LIPN: variants seen among roughly 807,000 people sequenced by gnomAD.
LIPN encodes the protein lipase family member N.
A neutral mutation model predicts 43.7 loss-of-function variants in LIPN; 32 were observed. The ratio of observed to expected loss-of-function variants is 0.73; its 90% CI spans 0.55 to 0.98. LIPN has a LOEUF of 0.98. Ranked by LOEUF, LIPN falls within the 50% of genes least tolerant of loss-of-function variation. LIPN has a pLI of 0.00. For synonymous variants in LIPN, 156 were observed against 157.6 expected (o/e 0.99, Z 0.08); for missense variants, 505 against 483.8 (o/e 1.04, Z -0.41).
At chr10:88,765,900 A>G (rs1843087739) in intron 4 of LIPN, among the ~76,000 whole-genome samples, 1 of 151,904 alleles carries the variant, frequency 6.6e-6, no homozygotes, top group African/African-American at 2.4e-5. Flanking sequence ...GTTTCCAAAG[A>G]TGGGTATTAA....
At position 88,777,634 on chromosome 10, in the gene LIPN, C is replaced by T. The variant is rs74943866; in HGVS notation, c.964-375C>T. Among the ~76,000 whole-genome samples, 1,288 of 152,156 alleles carry T rather than the reference C, an allele frequency of 8.5e-3. 47 individuals carry two copies. The highest frequency in any genetic ancestry group is 0.071 in the East Asian group (369 of 5,166). On this transcript the variant is annotated intron_variant, in intron 9 of 9. Transcript: ENST00000404459. ...CAGGTACACTGGGAAGCTTGCCATT[C>T]CTGATCATAGCCTACAAACTCTTCC...
At chr10:88,759,518 G>A (rs1590170355), upstream of LIPN, among the ~76,000 whole-genome samples, 2 of 152,066 alleles carry the variant, frequency 1.3e-5, no homozygotes, top group Non-Finnish European at 2.9e-5. Flanking sequence ...AATCCCTTTG[G>A]CATGTGAATT....
chr10:88,771,150 T>C (rs1590180429), intron 7 of LIPN, among the ~76,000 whole-genome samples, 159 bp downstream of exon 7: 1 of 151,826 alleles, frequency 6.6e-6, no homozygotes, highest in South Asian at 2.1e-4. Flanking sequence ...GGGTATATAA[T>C]AGTTGTACAT....
chr10:88,765,525 C>T (rs1442313875), intron 4 of LIPN, among the ~76,000 whole-genome samples: 1 of 151,862 alleles, frequency 6.6e-6, no homozygotes, highest in Non-Finnish European at 1.5e-5. Context: ...TAGATTTCCT[C>T]ACATGTTCTT....
intron 5 of LIPN, 70 bp downstream of exon 5, chr10:88,766,448 AC>A (rs989423610): frequency 2.2e-6 from 2 of 899,994 alleles, no homozygotes; most frequent in Non-Finnish European, 3.7e-6. Flanking sequence ...ACAGGAGTTC[AC>A]CTTTATGTTG....
At chr10:88,771,351 A>G (rs1417007813) in intron 7 of LIPN, among the ~76,000 whole-genome samples, 1 of 151,704 alleles carries the variant, frequency 6.6e-6, no homozygotes, top group East Asian at 1.9e-4. Flanking sequence ...TGCATGCCAG[A>G]CTTTAGTCCT....
Position 88,764,447 on chromosome 10 carries a change from T to C in LIPN, c.264T>C (p.Phe88=). The part of the protein sequence containing the change: ...RPVVYMQHAL[F]ADNAYWLENY... ...TTGTGTATATGCAGCATGCCCTGTT[T>C]GCAGACAATGCCTACTGGCTTGAGA... The change falls in exon 4 of 10, where the codon TTT becomes TTC. Residue 88 remains phenylalanine (F), a synonymous_variant. Transcript: ENST00000404459. The C allele has an allele frequency of 6.2e-7, 1 of 1,612,400 alleles. No individual in the cohort carries two copies. The highest frequency in any genetic ancestry group is 8.5e-7 in the Non-Finnish European group (1 of 1,179,022).
At position 88,764,579 on chromosome 10, in the gene LIPN, A is replaced by G. The variant is rs777297333; in HGVS notation, c.396A>G (p.Ser132=). 4.4e-6 allele frequency: 7 copies of G among 1,607,794 alleles called. No homozygotes were observed. The highest frequency in any genetic ancestry group is 5.9e-6 in the Non-Finnish European group (7 of 1,176,484). The change falls in exon 4 of 10, where the codon TCA becomes TCG. Residue 132 remains serine (S), a synonymous_variant. Coordinates refer to ENST00000404459, the MANE Select transcript of LIPN (RefSeq NM_001102469.2). ...NTWSRRHKTL[S]ETDEKFWAFS... Reference sequence around the variant, plus strand: ...GGTCAAGAAGACACAAAACACTCTCAGAGACAGATGAGAAATTCTGGGCCT... The same window carrying G: ...GGTCAAGAAGACACAAAACACTCTCGGAGACAGATGAGAAATTCTGGGCCT...
intron 4 of LIPN, 111 bp downstream of exon 4, chr10:88,764,719 A>G (rs1843063876): frequency 5.6e-6 from 4 of 716,532 alleles, no homozygotes; most frequent in Admixed American, 3.3e-5. Context: ...AGCTCCTTGT[A>G]GTTTCTGTTA....
At chr10:88,776,759 T>C (rs1407949268) in intron 9 of LIPN, among the ~76,000 whole-genome samples, 2 of 152,140 alleles carry the variant, frequency 1.3e-5, no homozygotes, top group South Asian at 2.1e-4. Context: ...AGTATCTATG[T>C]GTTGCATTAA....
At chr10:88,771,135 T>C (rs181237297) in intron 7 of LIPN, 144 bp downstream of exon 7, 3 of 623,688 alleles carry the variant, frequency 4.8e-6, no homozygotes, top group Non-Finnish European at 2.7e-6. Context: ...TTTAAAAATG[T>C]TTATGGGTAT....
intron 2 of LIPN, 42 bp from the exon 3 acceptor site, chr10:88,762,146 C>G (rs1201161236): frequency 9.8e-7 from 1 of 1,017,424 alleles, no homozygotes; most frequent in Non-Finnish European, 1.5e-6. Context: ...TTTTTATATC[C>G]TTTGGAGAAG....
intron 8 of LIPN, 26 bp from the exon 9 acceptor site, chr10:88,775,066 C>G (rs1392119397): frequency 2.7e-6 from 4 of 1,485,492 alleles, no homozygotes; most frequent in Non-Finnish European, 3.7e-6. Context: ...CCTAACTATT[C>G]TTTTTCTAAA....
chr10:88,768,686 A>G, intron 5 of LIPN, 106 bp from the exon 6 acceptor site: 6 of 815,452 alleles, frequency 7.4e-6, no homozygotes, highest in Non-Finnish European at 1.2e-5. Flanking sequence ...CATCCCCAGT[A>G]TGATCACGAT....
In LIPN at chr10:88,778,603, T is replaced by C. The variant is rs4934421; in HGVS notation, c.*361T>C. On this transcript the variant is annotated 3_prime_UTR_variant, in exon 10 of 10. Transcript: ENST00000404459. ...TAAGGTCCTATATGGAAACCTCTGT[T>C]GTCATTTTATTTATATGGATTGCTA... Among the ~76,000 whole-genome samples the C allele has an allele frequency of 8.5e-3, 1,294 of 152,294 alleles. 48 individuals are homozygous for C. Among genetic ancestry groups the C allele is most frequent in the East Asian group, 0.072 (371 of 5,176 alleles).
At chr10:88,776,761 T>C (rs1447560873) in intron 9 of LIPN, among the ~76,000 whole-genome samples, 2 of 152,222 alleles carry the variant, frequency 1.3e-5, no homozygotes, top group Admixed American at 6.5e-5. Context: ...TATCTATGTG[T>C]TGCATTAATG....
Position 88,770,760 on chromosome 10 carries a change from ATATT to A in LIPN, c.673-84_673-81del. ...GTTGCTATTGAGTTGAGCTCCTTAT[ATATT>A]CTGGTTACTAATCCCTTGTAATATG... On this transcript the variant is annotated intron_variant, in intron 6 of 9. Transcript: ENST00000404459. 3.7e-6 allele frequency: 3 copies of A among 807,614 alleles called. No individual in the cohort carries two copies. In the East Asian group the frequency reaches 8.2e-5, roughly 22 times the overall value. 50.0% of individuals were successfully genotyped at this position (807,614 alleles called of 1,614,324 possible). A position where few individuals can be genotyped will look rare whatever the true frequency, so the allele number is the denominator to read the frequency against.
In LIPN at chr10:88,779,307, C is replaced by T. The variant is rs1437657364; in HGVS notation, c.*1065C>T. Reference sequence around the variant, plus strand: ...AGATGATCCTTGGAAAATCCAGAGCCAGCTCCATAATACTTTCCTGCTCTG... The same window carrying T: ...AGATGATCCTTGGAAAATCCAGAGCTAGCTCCATAATACTTTCCTGCTCTG... On this transcript the variant is annotated 3_prime_UTR_variant, in exon 10 of 10. Coordinates refer to ENST00000404459, the MANE Select transcript of LIPN (RefSeq NM_001102469.2). Among the ~76,000 whole-genome samples, 1 of 152,164 alleles carries T rather than the reference C, an allele frequency of 6.6e-6. No individual in the cohort carries two copies. Among genetic ancestry groups the T allele is most frequent in the African/African-American group, 2.4e-5 (1 of 41,438 alleles).
chr10:88,764,194 G>A (rs1843049240), intron 3 of LIPN, among the ~76,000 whole-genome samples: 2 of 151,864 alleles, frequency 1.3e-5, no homozygotes, highest in Admixed American at 1.3e-4. Context: ...ATAGCACCAG[G>A]TACAAAAATA....
Sources: allele counts gnomAD v4.1 joint callset (sites outside exome capture counted in the v4.1 genomes callset), GRCh38; gene constraint gnomAD v4.1.1; transcripts MANE v1.5; gene names NCBI Gene and HGNC (gene_info 2026-07-23, HGNC 2026-07-21).